Variants in TUBGCP3 observed in about 807,000 individuals in gnomAD.
TUBGCP3 encodes gamma-tubulin complex component 3.
A neutral mutation model predicts 123.1 loss-of-function variants in TUBGCP3; 50 were observed. The observed-to-expected ratio is 0.41, with a 90% CI of 0.32 to 0.51. TUBGCP3 has a LOEUF of 0.51. Among genes scored for constraint, TUBGCP3 ranks in the 20% least tolerant of loss-of-function variants. The pLI, the probability that TUBGCP3 is intolerant of heterozygous loss-of-function variation, is 0.36. For synonymous variants in TUBGCP3, 405 were observed against 413.9 expected, an observed-to-expected ratio of 0.98 and a Z score of 0.26; for missense variants, 882 against 1,127.0, an observed-to-expected ratio of 0.78 and a Z score of 3.11.
intron 3 of TUBGCP3, among the ~76,000 whole-genome samples, chr13:112,564,902 T>A (rs1880835649): frequency 6.6e-6 from 1 of 152,220 alleles, no homozygotes; most frequent in Non-Finnish European, 1.5e-5. Flanking sequence ...GCAGCTTCAT[T>A]CATCTTTATA....
At chr13:112,592,174 A>T (rs566037285), upstream of TUBGCP3, among the ~76,000 whole-genome samples, 2 of 152,222 alleles carry the variant, frequency 1.3e-5, no homozygotes, top group Non-Finnish European at 2.9e-5. This position sits in a 1 kb window ranked among gnomAD's most constrained non-coding sequence, Gnocchi z 4.1. Flanking sequence ...TGGACATAGG[A>T]TGGAATAGTT....
At chr13:112,506,960 G>A (rs1158596928) in intron 17 of TUBGCP3, among the ~76,000 whole-genome samples, 1 of 152,210 alleles carries the variant, frequency 6.6e-6, no homozygotes, top group Non-Finnish European at 1.5e-5. Flanking sequence ...GACTGTAATG[G>A]AAAATCTATA....
At chr13:112,517,444 T>C (rs939506071) in intron 16 of TUBGCP3, among the ~76,000 whole-genome samples, 1 of 152,214 alleles carries the variant, frequency 6.6e-6, no homozygotes, top group South Asian at 2.1e-4. Context: ...TTATCTCTTA[T>C]CTAGGCAATG....
chr13:112,591,474 G>A (rs1427017293), upstream of TUBGCP3, among the ~76,000 whole-genome samples: 1 of 152,126 alleles, frequency 6.6e-6, no homozygotes, highest in Non-Finnish European at 1.5e-5. Context: ...CTTCTGTTTT[G>A]TTGCTACCAT....
At chr13:112,497,279 T>C (rs1880592148) in intron 20 of TUBGCP3, among the ~76,000 whole-genome samples, 1 of 152,168 alleles carries the variant, frequency 6.6e-6, no homozygotes, top group Admixed American at 6.5e-5. Context: ...CGTGAGTATA[T>C]CCGACTTTAA....
At chr13:112,528,356 G>T (rs1470469062) in intron 11 of TUBGCP3, among the ~76,000 whole-genome samples, 1 of 152,206 alleles carries the variant, frequency 6.6e-6, no homozygotes, top group Non-Finnish European at 1.5e-5. Flanking sequence ...CAGCTGTGTA[G>T]ACTGACGCTC....
intron 11 of TUBGCP3, among the ~76,000 whole-genome samples, chr13:112,536,652 A>G (rs574131041): frequency 3.9e-5 from 6 of 152,316 alleles, no homozygotes; most frequent in African/African-American, 1.2e-4. Context: ...TATCCTGCCA[A>G]TGTGGTGAAC....
intron 8 of TUBGCP3, among the ~76,000 whole-genome samples, chr13:112,549,989 CAAAAAAAAAA>C (rs750596642): frequency 5.7e-4 from 23 of 40,226 alleles, no homozygotes; most frequent in African/African-American, 4.3e-4. Context: ...GACTCCATCT[CAAAAAAAAAA>C]AAAAAAAAAA....
intron 8 of TUBGCP3, among the ~76,000 whole-genome samples, chr13:112,549,251 C>T (rs766188579): frequency 6.6e-6 from 1 of 151,668 alleles, no homozygotes; most frequent in South Asian, 2.1e-4. Flanking sequence ...AACAAAACAC[C>T]GCATGTTCTC....
intron 11 of TUBGCP3, among the ~76,000 whole-genome samples, chr13:112,536,727 G>A (rs1403977989): frequency 6.6e-6 from 1 of 152,102 alleles, no homozygotes; most frequent in Non-Finnish European, 1.5e-5. Context: ...TAAAGTATGT[G>A]TGGATTCTTT....
intron 1 of TUBGCP3, among the ~76,000 whole-genome samples, chr13:112,578,058 G>A (rs985517381): frequency 6.6e-6 from 1 of 152,134 alleles, no homozygotes; most frequent in Non-Finnish European, 1.5e-5. Flanking sequence ...CATGTCCGGG[G>A]TCCAGGGTCT....
At chr13:112,600,617 T>C in the TUBGCP3 span, among the ~76,000 whole-genome samples, 1 of 152,200 alleles carries the variant, frequency 6.6e-6, no homozygotes, top group Non-Finnish European at 1.5e-5. Context: ...TATGAGCATG[T>C]AGTGTTTCTT....
At chr13:112,486,769 G>C (rs1223986702) in intron 21 of TUBGCP3, among the ~76,000 whole-genome samples, 1 of 152,244 alleles carries the variant, frequency 6.6e-6, no homozygotes, top group Non-Finnish European at 1.5e-5. Context: ...TGAAAGACTT[G>C]CATACTGAGT....
chr13:112,514,519 T>C (rs978587628), intron 17 of TUBGCP3, among the ~76,000 whole-genome samples: 8 of 152,174 alleles, frequency 5.3e-5, no homozygotes, highest in African/African-American at 1.7e-4. Flanking sequence ...ATCAATCATT[T>C]TAAAAGCATA....
In TUBGCP3 at chr13:112,516,501, G is replaced by A. The variant is rs1349939897; in HGVS notation, c.2025C>T (p.Tyr675=). 6.2e-7 allele frequency: 1 copy of A among 1,613,960 alleles called. No individual in the cohort carries two copies. Among genetic ancestry groups the A allele is most frequent in the Non-Finnish European group, 8.5e-7 (1 of 1,179,988 alleles). The change falls in exon 17 of 22, where the codon TAC becomes TAT. Residue 675 remains tyrosine (Y), a synonymous_variant. Coordinates refer to ENST00000261965, the MANE Select transcript of TUBGCP3 (RefSeq NM_006322.6). ...NFLWRAKRME[Y]ILTDIRKGHM... Reference sequence around the variant, plus strand: ...GTCCCTTCCGTATGTCAGTGAGGATGTATTCCATCCGCTTCGCCCTCCAGA... The same window carrying A: ...GTCCCTTCCGTATGTCAGTGAGGATATATTCCATCCGCTTCGCCCTCCAGA...
chr13:112,598,080 C>T, the TUBGCP3 span, among the ~76,000 whole-genome samples: 3 of 151,910 alleles, frequency 2.0e-5, no homozygotes, highest in African/African-American at 4.8e-5. Flanking sequence ...TCGTCAAAGG[C>T]GCACCAATTA....
chr13:112,560,291 G>A (rs1410602235), intron 3 of TUBGCP3, among the ~76,000 whole-genome samples: 1 of 151,300 alleles, frequency 6.6e-6, no homozygotes, highest in African/African-American at 2.4e-5. Context: ...TTAGCTGGGC[G>A]TAGTGGCGGG....
chr13:112,488,721 C>T (rs1379545519), intron 21 of TUBGCP3, among the ~76,000 whole-genome samples: 1 of 134,226 alleles, frequency 7.5e-6, no homozygotes, highest in Non-Finnish European at 1.6e-5. Context: ...CAGGGGAGCA[C>T]AGGAGCCACC....
chr13:112,569,603 G>C (rs1300708292), intron 1 of TUBGCP3, among the ~76,000 whole-genome samples: 3 of 152,126 alleles, frequency 2.0e-5, no homozygotes, highest in Non-Finnish European at 4.4e-5. Flanking sequence ...GAGCCTCTGA[G>C]TAACTCCAGG....
Sources: gnomAD v4.1 joint callset for allele counts (sites outside exome capture counted in the v4.1 genomes callset) on GRCh38, gnomAD v4.1.1 for gene constraint, Gnocchi (gnomAD v3.1) non-coding constraint, MANE v1.5 for transcripts, NCBI Gene and HGNC (gene_info 2026-07-23, HGNC 2026-07-21) for gene names.